Variants in CPPED1 observed in about 807,000 individuals in gnomAD.
CPPED1 encodes calcineurin like phosphoesterase domain containing 1, also known as serine/threonine-protein phosphatase CPPED1.
A neutral mutation model predicts 28.0 loss-of-function variants in CPPED1; 28 were observed. That is an observed-to-expected ratio of 1.00 (90% CI 0.74 to 1.37). The LOEUF (loss-of-function observed/expected upper bound fraction) is 1.37. Among genes scored for constraint, CPPED1 ranks in the 40% most tolerant of loss-of-function variants. CPPED1 has a pLI of 0.00. For synonymous variants in CPPED1, 198 were observed against 180.2 expected (o/e 1.10, Z -0.79); for missense variants, 504 against 416.5 (o/e 1.21, Z -1.83).
At chr16:12,752,706 C>A (rs1306404657) in intron 2 of CPPED1, among the ~76,000 whole-genome samples, 1 of 146,766 alleles carries the variant, frequency 6.8e-6, no homozygotes, top group Non-Finnish European at 1.5e-5. Context: ...AACTAAAACA[C>A]ATGCCAAAAA....
At chr16:12,778,878 A>T (rs921985840) in intron 2 of CPPED1, among the ~76,000 whole-genome samples, 12 of 152,228 alleles carry the variant, frequency 7.9e-5, no homozygotes, top group Admixed American at 3.3e-4. Flanking sequence ...CAAATTATAC[A>T]TTCTGCTTGA....
chr16:12,678,279 G>T (rs1267041622), intron 3 of CPPED1, among the ~76,000 whole-genome samples: 1 of 152,218 alleles, frequency 6.6e-6, no homozygotes, highest in African/African-American at 2.4e-5. Flanking sequence ...AAGAGCATCT[G>T]TCCTGACGGT....
In CPPED1 at chr16:12,781,343, C is replaced by T. The variant is rs199747827; in HGVS notation, c.131G>A (p.Gly44Glu). The change falls in exon 2 of 4, where the codon GGG becomes GAG. Residue 44 changes from glycine (G) to glutamate (E), a missense_variant. By Grantham distance (98) the Gly-to-Glu change is moderately conservative. Transcript: ENST00000381774. ...YFILGADPQFGLIKAWSTGDC... is the reference protein window; with the variant it reads ...YFILGADPQFELIKAWSTGDC... ...CCCAGTGGACCAGGCCTTGATCAGCCCAAACTGTGGGTCTGCGCCCAGGAT... is the reference window on the plus strand; with the variant it reads ...CCCAGTGGACCAGGCCTTGATCAGCTCAAACTGTGGGTCTGCGCCCAGGAT... The T allele has an allele frequency of 9.5e-5, 153 of 1,613,984 alleles. No homozygotes were observed. The highest frequency in any genetic ancestry group is 1.7e-5 in the Non-Finnish European group (20 of 1,180,046).
rs544828956 is a variant in CPPED1, at chr16:12,795,286, C to A, written c.70+8421G>T. On this transcript the variant is annotated intron_variant, in intron 1 of 3. Transcript: ENST00000381774. ...AGGGCACCCACCTGGTAGGCAAAACCTCTGCCTCTAGATGCTCTGGAGTAG... is the reference window on the plus strand; with the variant it reads ...AGGGCACCCACCTGGTAGGCAAAACATCTGCCTCTAGATGCTCTGGAGTAG... 8.8e-4 allele frequency among the ~76,000 whole-genome samples: 134 copies of A among 152,294 alleles called. 1 individual carries two copies. The South Asian group carries it at 0.013, about 15-fold the overall frequency.
chr16:12,740,461 G>C (rs956547962), intron 2 of CPPED1, among the ~76,000 whole-genome samples: 30 of 146,384 alleles, frequency 2.0e-4, no homozygotes, highest in Admixed American at 6.8e-5. Context: ...AAAAAAAAAA[G>C]CTACTTTTTA....
chr16:12,696,761 TTATA>T (rs990777671), intron 3 of CPPED1, among the ~76,000 whole-genome samples: 7 of 152,038 alleles, frequency 4.6e-5, no homozygotes, highest in African/African-American at 1.7e-4. Flanking sequence ...CTTTTTGATT[TTATA>T]TATGACTCTC....
At chr16:12,698,561 AGCTGGGACTACAGG>A (rs2080004403) in intron 3 of CPPED1, among the ~76,000 whole-genome samples, 1 of 152,088 alleles carries the variant, frequency 6.6e-6, no homozygotes, top group East Asian at 1.9e-4. Flanking sequence ...CCTCCCAAGT[AGCTGGGACTACAGG>A]TGCCTGCCAC....
intron 1 of CPPED1, among the ~76,000 whole-genome samples, chr16:12,790,202 T>C (rs927185377): frequency 6.6e-6 from 1 of 152,244 alleles, no homozygotes; most frequent in Non-Finnish European, 1.5e-5. Context: ...GAAAGACAGA[T>C]ATTCAAATTG....
chr16:12,714,355 C>G (rs78847018), intron 2 of CPPED1, among the ~76,000 whole-genome samples: 8,721 of 152,222 alleles, frequency 0.057, 376 homozygotes, highest in African/African-American at 0.12. Flanking sequence ...GTGTTTACTT[C>G]TTTAAGAAGC....
At position 12,664,484 on chromosome 16, in the gene CPPED1, T is replaced by C. The variant is rs1014230873; in HGVS notation, c.*402A>G. On this transcript the variant is annotated 3_prime_UTR_variant, in exon 4 of 4. Coordinates refer to ENST00000381774, the MANE Select transcript of CPPED1 (RefSeq NM_018340.3). The surrounding 1 kb of genome is among the most constrained non-coding windows in gnomAD (Gnocchi z 4.2). ...GACCACAATTTAATACAATCAGGTGTAGTTTGTTTAAGGAATTATCAAAGA... is the reference window on the plus strand; with the variant it reads ...GACCACAATTTAATACAATCAGGTGCAGTTTGTTTAAGGAATTATCAAAGA... The C allele has an allele frequency of 3.8e-6, 4 of 1,043,340 alleles. No individual in the cohort carries two copies. The highest frequency in any genetic ancestry group is 4.6e-6 in the Non-Finnish European group (4 of 867,440). 64.6% of individuals were successfully genotyped at this position (1,043,340 alleles called of 1,614,324 possible). A position where few individuals can be genotyped will look rare whatever the true frequency, so the allele number is the denominator to read the frequency against.
chr16:12,744,135 G>C (rs1165966499), intron 2 of CPPED1, among the ~76,000 whole-genome samples: 1 of 152,110 alleles, frequency 6.6e-6, no homozygotes, highest in African/African-American at 2.4e-5. Flanking sequence ...AATTAGCCGG[G>C]CGTGGTGGCA....
chr16:12,721,392 T>C (rs1567286220), intron 2 of CPPED1, among the ~76,000 whole-genome samples: 1 of 152,140 alleles, frequency 6.6e-6, no homozygotes, highest in Non-Finnish European at 1.5e-5. Context: ...ACCCAAGTGT[T>C]GACCTTCCCA....
rs11865967 is a variant in CPPED1, at chr16:12,803,566, A to G, written c.70+141T>C. 3.1e-4 allele frequency: 208 copies of G among 667,234 alleles called. No homozygotes were observed. The African/African-American group carries it at 3.6e-3, about 11-fold the overall frequency. 41.3% of individuals were successfully genotyped at this position (667,234 alleles called of 1,614,324 possible). On this transcript the variant is annotated intron_variant, in intron 1 of 3. Transcript: ENST00000381774. ...CTGGAATCCCTAAGAGCAGGCTTTG[A>G]TGCAGCTATGGCGGCTCCCAGGCCC...
chr16:12,733,095 G>A (rs1307868873), intron 2 of CPPED1, among the ~76,000 whole-genome samples: 2 of 152,260 alleles, frequency 1.3e-5, no homozygotes, highest in Non-Finnish European at 2.9e-5. Flanking sequence ...TGGAAGAAGA[G>A]TCTGAGGTTG....
At chr16:12,733,217 A>G (rs146318486) in intron 2 of CPPED1, among the ~76,000 whole-genome samples, 97 of 152,296 alleles carry the variant, frequency 6.4e-4, no homozygotes, top group African/African-American at 2.2e-3. Flanking sequence ...GTTTAAAATA[A>G]CATATGTACA....
At chr16:12,764,958 G>A (rs1373509955) in intron 2 of CPPED1, among the ~76,000 whole-genome samples, 1 of 152,206 alleles carries the variant, frequency 6.6e-6, no homozygotes, top group Non-Finnish European at 1.5e-5. Context: ...CCAGCCTCAA[G>A]GTCATGAGCA....
chr16:12,716,903 C>T (rs770610757), intron 2 of CPPED1, among the ~76,000 whole-genome samples: 15 of 151,260 alleles, frequency 9.9e-5, no homozygotes, highest in Non-Finnish European at 1.6e-4. Context: ...TATGAAGTTA[C>T]GACACGGAAG....
chr16:12,787,465 G>A (rs570563702), intron 1 of CPPED1, among the ~76,000 whole-genome samples: 10 of 150,084 alleles, frequency 6.7e-5, no homozygotes, highest in East Asian at 2.0e-4. Flanking sequence ...CAGTGCGGTG[G>A]CGTGGTCTCA....
At chr16:12,768,171 T>C (rs1596477991) in intron 2 of CPPED1, among the ~76,000 whole-genome samples, 1 of 152,214 alleles carries the variant, frequency 6.6e-6, no homozygotes, top group African/African-American at 2.4e-5. Flanking sequence ...AAGACCTTTC[T>C]GTTTCGCCCT....
Sources: gnomAD v4.1 joint callset for allele counts (sites outside exome capture counted in the v4.1 genomes callset) on GRCh38, gnomAD v4.1.1 for gene constraint, Gnocchi (gnomAD v3.1) non-coding constraint, MANE v1.5 for transcripts, NCBI Gene and HGNC (gene_info 2026-07-23, HGNC 2026-07-21) for gene names.